The following RAD50 variants were observed in gnomAD, a reference collection of about 807,000 sequenced individuals.
RAD50 encodes RAD50 double strand break repair protein.
Under a neutral mutation model 168.8 loss-of-function variants are expected in RAD50, and 132 were observed. The observed-to-expected ratio is 0.78, with a 90% CI of 0.68 to 0.90. The LOEUF (loss-of-function observed/expected upper bound fraction) is 0.90. RAD50 is among the 40% of genes least tolerant of loss of function. The probability of loss-of-function intolerance (pLI) is 0.00; values close to 1 mark genes in which losing one functional copy is unlikely to be tolerated. For synonymous variants in RAD50, 525 were observed against 497.4 expected (o/e 1.06, Z -0.74); for missense variants, 1,347 against 1,534.4 (o/e 0.88, Z 2.04).
At chr5:132,611,491 G>A (rs1751085232) in intron 19 of RAD50, among the ~76,000 whole-genome samples, 1 of 151,866 alleles carries the variant, frequency 6.6e-6, no homozygotes, top group Non-Finnish European at 1.5e-5. Context: ...AGATCACGAG[G>A]TCAGGAGATC....
At chr5:132,584,738 A>G (rs1190111973) in intron 5 of RAD50, among the ~76,000 whole-genome samples, 1 of 152,198 alleles carries the variant, frequency 6.6e-6, no homozygotes, top group Non-Finnish European at 1.5e-5. Flanking sequence ...AATATGGCAC[A>G]TATACACCAT....
chr5:132,592,815 G>T, intron 11 of RAD50: 1 of 470,934 alleles, frequency 2.1e-6, no homozygotes, highest in Admixed American at 2.3e-5. Context: ...ATTCTTTGAA[G>T]AAATGCTTTA....
chr5:132,561,336 G>A (rs1750120475), intron 2 of RAD50, among the ~76,000 whole-genome samples: 1 of 151,984 alleles, frequency 6.6e-6, no homozygotes, highest in African/African-American at 2.4e-5. Context: ...CTGGGATTAC[G>A]GGTGTGCCAC....
In RAD50 at chr5:132,616,130, G is replaced by T; in HGVS notation, c.3164G>T (p.Ser1055Ile). The change falls in exon 20 of 25, where the codon AGT becomes ATT. Residue 1055 changes from serine (S) to isoleucine (I), a missense_variant and splice_region_variant. By Grantham distance (142) the Ser-to-Ile change is moderately radical. Transcript: ENST00000378823. The part of the protein sequence containing the change: ...MGQMQVLQMK[S>I]EHQKLEENID... The stretch of plus-strand genomic sequence containing the variant: ...CAAATGCAGGTTTTGCAAATGAAAA[G>T]GTATGCTTTTAAAATAATCTTCAGT... 2 of 1,611,978 alleles carry T rather than the reference G, an allele frequency of 1.2e-6. No homozygotes were observed. The highest frequency in any genetic ancestry group is 1.7e-6 in the Non-Finnish European group (2 of 1,178,736).
chr5:132,562,937 T>C (rs1750146356), intron 2 of RAD50, among the ~76,000 whole-genome samples: 1 of 152,138 alleles, frequency 6.6e-6, no homozygotes, highest in Non-Finnish European at 1.5e-5. Context: ...TAAAGTGTTA[T>C]AAGGAGGAAA....
At chr5:132,588,281 A>C (rs1750632209) in intron 7 of RAD50, among the ~76,000 whole-genome samples, 192 bp downstream of exon 7, 1 of 152,172 alleles carries the variant, frequency 6.6e-6, no homozygotes, top group Admixed American at 6.5e-5. Context: ...AGTGGTTGCC[A>C]GGGATACTGG....
chr5:132,635,512 C>T lies in RAD50; in HGVS notation c.3390-1603C>T, dbSNP rs74828134. On this transcript the variant is annotated intron_variant, in intron 21 of 24. Coordinates refer to ENST00000378823, the MANE Select transcript of RAD50 (RefSeq NM_005732.4). ...CACTCTTTGGTGGGTTGAGACCTCT[C>T]CCTGAACTAGATCTTTTTCCCGCAG... is the stretch of plus-strand genomic sequence containing the variant. Among the ~76,000 whole-genome samples, 991 of 152,258 alleles carry T rather than the reference C, an allele frequency of 6.5e-3. 14 individuals are homozygous for T. Among genetic ancestry groups the T allele is most frequent in the African/African-American group, 0.023 (942 of 41,546 alleles).
chr5:132,579,865 C>T lies in RAD50; in HGVS notation c.555C>T (p.Tyr185=), dbSNP rs1285412752. The T allele has an allele frequency of 3.1e-6, 5 of 1,608,792 alleles. No homozygotes were observed. Among genetic ancestry groups the T allele is most frequent in the Non-Finnish European group, 3.4e-6 (4 of 1,175,502 alleles). ...TTTTTGTTTCATATCTTCAAAGATA[C>T]ATTAAAGCCTTAGAAACACTTCGGC... is the stretch of plus-strand genomic sequence containing the variant. The part of the protein sequence containing the change: ...KFDEIFSATR[Y]IKALETLRQV... The change falls in exon 5 of 25, where the codon TAC becomes TAT. Residue 185 remains tyrosine, a synonymous_variant. Coordinates refer to ENST00000378823, the MANE Select transcript of RAD50 (RefSeq NM_005732.4).
At position 132,589,781 on chromosome 5, in the gene RAD50, C is replaced by T. The variant is rs939460740; in HGVS notation, c.1396C>T (p.Gln466Ter). ...ELKNVKYELQ[Q>*]LEGSSDRILE... Reference sequence around the variant, plus strand: ...GAAAAATGTGAAGTATGAATTACAGCAGTTGGAAGGATCTTCAGACAGGAT... The same window carrying T: ...GAAAAATGTGAAGTATGAATTACAGTAGTTGGAAGGATCTTCAGACAGGAT... Residue 466 changes from glutamine (Q) to a stop codon, truncating the protein, a stop_gained, in exon 9 of 25, where the codon CAG (glutamine) becomes TAG (stop). Coordinates refer to ENST00000378823, the MANE Select transcript of RAD50 (RefSeq NM_005732.4). LOFTEE classifies it high-confidence loss of function. The T allele has an allele frequency of 1.2e-6, 2 of 1,613,700 alleles. No homozygotes were observed. Among genetic ancestry groups the T allele is most frequent in the Non-Finnish European group, 1.7e-6 (2 of 1,179,834 alleles).
At chr5:132,611,787 A>G (rs557969069) in intron 19 of RAD50, among the ~76,000 whole-genome samples, 2 of 152,000 alleles carry the variant, frequency 1.3e-5, no homozygotes, top group African/African-American at 4.8e-5. Context: ...AGTTTCCTAT[A>G]CTGACTACAG....
At chr5:132,582,742 AT>A (rs145516806) in intron 5 of RAD50, among the ~76,000 whole-genome samples, 2 of 151,530 alleles carry the variant, frequency 1.3e-5, no homozygotes, top group African/African-American at 4.9e-5. Flanking sequence ...CAGCTGCTCT[AT>A]TTTTTTTATC....
chr5:132,580,632 A>C (rs1240932468), intron 5 of RAD50, among the ~76,000 whole-genome samples: 1 of 152,184 alleles, frequency 6.6e-6, no homozygotes, highest in Non-Finnish European at 1.5e-5. Context: ...GATCCATAAC[A>C]TGTTCATATA....
At chr5:132,591,188 T>C (rs751689871) in intron 9 of RAD50, 36 bp from the exon 10 acceptor site, 5 of 1,552,086 alleles carry the variant, frequency 3.2e-6, no homozygotes, top group Non-Finnish European at 3.6e-6. Context: ...GCACAAAATA[T>C]ATAACACCTT....
chr5:132,641,966 T>G, intron 24 of RAD50: 1 of 579,602 alleles, frequency 1.7e-6, no homozygotes, highest in Non-Finnish European at 3.1e-6. Context: ...AAGTGAGGAG[T>G]CAGGCCATGT....
chr5:132,612,721 A>T (rs2149851509), intron 19 of RAD50, among the ~76,000 whole-genome samples: 1 of 152,120 alleles, frequency 6.6e-6, no homozygotes, highest in South Asian at 2.1e-4. Context: ...CCAGCTACTC[A>T]GGAGGCTGAG....
intron 2 of RAD50, 133 bp from the exon 3 acceptor site, chr5:132,575,644 A>G (rs1750381603): frequency 3.6e-6 from 3 of 829,618 alleles, no homozygotes; most frequent in Non-Finnish European, 5.9e-6. Context: ...GATAGCATGT[A>G]AAAATATCAC....
intron 9 of RAD50, 103 bp downstream of exon 9, chr5:132,589,940 C>A: frequency 9.2e-7 from 1 of 1,081,558 alleles, no homozygotes; most frequent in Non-Finnish European, 1.3e-6. Context: ...ATAAAAACAT[C>A]AACTTTGTCT....
chr5:132,608,686 C>T lies in RAD50; in HGVS notation c.2790C>T (p.Ile930=), dbSNP rs786202014. ...EKFQQEKEEL[I]NKKNTSNKIA... is the part of the protein sequence containing the mutation. ...TCCAGCAAGAAAAAGAAGAATTAAT[C>T]AACAAAAAAAATACAAGCAACAAAA... is the stretch of plus-strand genomic sequence containing the variant. Residue 930 remains isoleucine (I), a synonymous_variant, in exon 17 of 25, where the codon ATC becomes ATT. Coordinates refer to ENST00000378823, the MANE Select transcript of RAD50 (RefSeq NM_005732.4). The T allele has an allele frequency of 1.3e-6, 2 of 1,595,616 alleles. No individual in the cohort carries two copies. The highest frequency in any genetic ancestry group is 2.3e-5 in the South Asian group (2 of 87,928).
intron 21 of RAD50, among the ~76,000 whole-genome samples, chr5:132,620,468 T>A (rs1751267105): frequency 6.6e-6 from 1 of 152,210 alleles, no homozygotes; most frequent in Non-Finnish European, 1.5e-5. Context: ...CCATCTTAAT[T>A]ACATATAGCA....
Sources: allele counts gnomAD v4.1 joint callset (sites outside exome capture counted in the v4.1 genomes callset), GRCh38; gene constraint gnomAD v4.1.1; transcripts MANE v1.5; gene names NCBI Gene and HGNC (gene_info 2026-07-23, HGNC 2026-07-21).